Variants in TBC1D3I observed in about 807,000 individuals in gnomAD.
TBC1D3I encodes the protein Prostate cancer gene 17 protein.
For synonymous variants in TBC1D3I, 2 were observed against 51.3 expected (o/e 0.04, Z 4.11); for missense variants, 8 against 125.3 (o/e 0.06, Z 4.47).
chr17:36,260,198 G>A lies in TBC1D3I; in HGVS notation c.387+31C>T. The A allele has an allele frequency of 8.1e-6, 3 of 371,520 alleles. 1 individual carries two copies. The South Asian group carries it at 1.0e-4, about 13-fold the overall frequency. The allele number at this position is 371,520 out of a possible 1,614,324, so 23.0% of individuals were successfully genotyped here. On this transcript the variant is annotated intron_variant, in intron 6 of 13. Coordinates refer to ENST00000621034, the Ensembl canonical transcript of TBC1D3I. The stretch of plus-strand genomic sequence containing the variant: ...GGAGACCTGGGCACCGACACGGCCT[G>A]TCCTGTTTGTTGTGCTCTGGCTGAG...
rs1597752008 is a variant in TBC1D3I at position 36,254,097 on chromosome 17, TCACCCGCTCC to T, written c.1497_1506del (p.Glu500AspfsTer?). ...GTGCTGGGTGCAGCGAAAGCCGATC[TCACCCGCTCC>T]GCAGGGTGTTCAGCCTGCCAGCAGG... On this transcript the variant is annotated frameshift_variant, in exon 14 of 14. Transcript: ENST00000621034. LOFTEE classifies it high-confidence loss of function. 1 of 589,346 alleles carries T rather than the reference TCACCCGCTCC, an allele frequency of 1.7e-6. No homozygotes were observed. The highest frequency in any genetic ancestry group is 1.9e-5 in the South Asian group (1 of 51,878). 36.5% of individuals were successfully genotyped at this position (589,346 alleles called of 1,614,324 possible).
chr17:36,260,400 G>A lies in TBC1D3I; in HGVS notation c.280-64C>T, dbSNP rs1597743581. On this transcript the variant is annotated intron_variant, in intron 5 of 13. Coordinates refer to ENST00000621034, the Ensembl canonical transcript of TBC1D3I. ...GTGACCCCAGTGAGGACCAGAGCCC[G>A]GGGATTCTGGAAATTGTCGGTTTTG... 2.3e-5 allele frequency: 8 copies of A among 346,204 alleles called. 3 individuals carry two copies. Among genetic ancestry groups the A allele is most frequent in the African/African-American group, 8.4e-5 (1 of 11,880 alleles). The allele number at this position is 346,204 out of a possible 1,614,324, so 21.4% of individuals were successfully genotyped here. A position where few individuals can be genotyped will look rare whatever the true frequency, so the allele number is the denominator to read the frequency against.
In TBC1D3I at chr17:36,257,164, TGGA is replaced by T. The variant is rs1285213117; in HGVS notation, c.668-52_668-50del. 1.2e-3 allele frequency: 46 copies of T among 37,912 alleles called. No homozygotes were observed. The Middle Eastern group carries it at 0.024, about 20-fold the overall frequency. 2.3% of individuals were successfully genotyped at this position (37,912 alleles called of 1,614,324 possible). A position where few individuals can be genotyped will look rare whatever the true frequency, so the allele number is the denominator to read the frequency against. On this transcript the variant is annotated intron_variant, in intron 9 of 13. Coordinates refer to ENST00000621034, the Ensembl canonical transcript of TBC1D3I. ...GAAATCAGAGCCTTCCCCCAAGATGTGGAGCCATCAGCTGCAAGAGCTGGGCAG... is the reference window on the plus strand; with the variant it reads ...GAAATCAGAGCCTTCCCCCAAGATGTGCCATCAGCTGCAAGAGCTGGGCAG...
intron 9 of TBC1D3I, among the ~76,000 whole-genome samples, chr17:36,257,548 T>G: frequency 4.1e-5 from 3 of 74,074 alleles, no homozygotes; most frequent in Admixed American, 1.2e-4. Context: ...GAGGGGAGAG[T>G]CAGCTGCACA....
At position 36,260,775 on chromosome 17, in the gene TBC1D3I, G is replaced by A. The variant is rs1597756806; in HGVS notation, c.279+5C>T. On this transcript the variant is annotated splice_donor_5th_base_variant and intron_variant, in intron 5 of 13. Transcript: ENST00000621034. ...CAGAGAGTGCTTCCTCCCTCCACAC[G>A]TTACCTTTCTGCTGCTTTTGTATTT... 1 of 27,870 alleles carries A rather than the reference G, an allele frequency of 3.6e-5. No individual in the cohort carries two copies. The highest frequency in any genetic ancestry group is 3.5e-4 in the East Asian group (1 of 2,898). 1.7% of individuals were successfully genotyped at this position (27,870 alleles called of 1,614,324 possible). A position where few individuals can be genotyped will look rare whatever the true frequency, so the allele number is the denominator to read the frequency against.
At chr17:36,260,460 TG>T in intron 5 of TBC1D3I, 124 bp from the exon 6 acceptor site, 1 of 181,972 alleles carries the variant, frequency 5.5e-6, no homozygotes, top group Non-Finnish European at 1.1e-5. Flanking sequence ...GAGATCAAGC[TG>T]GGACAGGGTC....
chr17:36,261,949 G>A (rs1251010232), intron 3 of TBC1D3I, among the ~76,000 whole-genome samples: 1 of 40,024 alleles, frequency 2.5e-5, no homozygotes, highest in East Asian at 5.0e-4. Context: ...AAGTGGCACC[G>A]CTCGTCAGCT....
chr17:36,253,961 C>CAT lies in TBC1D3I; in HGVS notation c.1642_1643insAT (p.Gly548AspfsTer?). On this transcript the variant is annotated frameshift_variant, in exon 14 of 14. Transcript: ENST00000621034. LOFTEE classifies it high-confidence loss of function. ...GCCCTGGCCCAGATGCTTCTAGAAGCCTGGAGGGAACTGAGAACTTTCCAA... is the reference window on the plus strand; with the variant it reads ...GCCCTGGCCCAGATGCTTCTAGAAGCATCTGGAGGGAACTGAGAACTTTCCAA... 9.9e-7 allele frequency: 1 copy of CAT among 1,012,316 alleles called. No individual in the cohort carries two copies. Among genetic ancestry groups the CAT allele is most frequent in the Non-Finnish European group, 1.4e-6 (1 of 704,086 alleles). The allele number at this position is 1,012,316 out of a possible 1,614,324, so 62.7% of individuals were successfully genotyped here.
chr17:36,260,140 C>A lies in TBC1D3I; in HGVS notation c.387+89G>T, dbSNP rs1231599260. The A allele has an allele frequency of 8.3e-5, 25 of 299,764 alleles. 11 individuals are homozygous for A. In the African/African-American group the frequency reaches 2.2e-3, roughly 27 times the overall value. The allele number at this position is 299,764 out of a possible 1,614,324, so 18.6% of individuals were successfully genotyped here. ...GTGTTCATCTGACCTTCACCCCCAG[C>A]TCCCCAGGGTGGTCTTGACGTTCCC... is the stretch of plus-strand genomic sequence containing the variant. On this transcript the variant is annotated intron_variant, in intron 6 of 13. Transcript: ENST00000621034.
chr17:36,255,056 C>T (rs2142283316), intron 13 of TBC1D3I, among the ~76,000 whole-genome samples: 1 of 4,316 alleles, frequency 2.3e-4, no homozygotes, highest in East Asian at 2.3e-3. Flanking sequence ...CCCTTGTCTC[C>T]CTGGCTCCAG....
chr17:36,261,953 G>C (rs1206175426), intron 3 of TBC1D3I, among the ~76,000 whole-genome samples: 1 of 41,318 alleles, frequency 2.4e-5, no homozygotes, highest in Non-Finnish European at 1.0e-4. Flanking sequence ...GGCACCGCTC[G>C]TCAGCTCCCT....
intron 9 of TBC1D3I, among the ~76,000 whole-genome samples, chr17:36,257,626 G>A: frequency 1.2e-5 from 1 of 86,352 alleles, no homozygotes; most frequent in Non-Finnish European, 3.4e-5. Flanking sequence ...GATGCCCTCT[G>A]CTGATGGGGA....
intron 9 of TBC1D3I, among the ~76,000 whole-genome samples, chr17:36,257,510 G>A (rs1434425284): frequency 1.2e-5 from 1 of 84,994 alleles, no homozygotes; most frequent in African/African-American, 3.6e-5. Context: ...AGGAGCCTGG[G>A]CAGCTGGAGG....
downstream of TBC1D3I, chr17:36,253,870 CA>C: frequency 6.8e-7 from 1 of 1,474,076 alleles, no homozygotes; most frequent in Non-Finnish European, 9.0e-7. Flanking sequence ...TAAGTTTAAC[CA>C]AAAATAAAAC....
At chr17:36,257,664 G>A (rs1225441283) in intron 9 of TBC1D3I, among the ~76,000 whole-genome samples, 165 bp downstream of exon 9, 1 of 84,472 alleles carries the variant, frequency 1.2e-5, no homozygotes, top group East Asian at 2.5e-4. Flanking sequence ...GGGCTTTGGG[G>A]GTCAGCCGTG....
exon 6 of TBC1D3I, chr17:36,260,308 G>T: frequency 2.7e-6 from 1 of 373,984 alleles, no homozygotes; most frequent in Non-Finnish European, 4.2e-6. Context: ...GATGTTCATG[G>T]GCATTCCCTT....
chr17:36,255,040 C>T (rs1214671333), intron 13 of TBC1D3I, among the ~76,000 whole-genome samples: 23 of 6,762 alleles, frequency 3.4e-3, no homozygotes, highest in Middle Eastern at 0.02. Context: ...GTCAGGGACA[C>T]GGATTCCCTT....
chr17:36,260,376 T>C (rs2069163790), intron 5 of TBC1D3I, 40 bp from the exon 6 acceptor site: 1 of 367,944 alleles, frequency 2.7e-6, no homozygotes, highest in South Asian at 3.4e-5. Flanking sequence ...GGCCACGGGG[T>C]GACCCCAGTG....
In TBC1D3I at chr17:36,253,966, AG is replaced by A; in HGVS notation, c.1637del (p.Pro546LeufsTer?). Reference sequence around the variant, plus strand: ...GGCCCAGATGCTTCTAGAAGCCTGGAGGGAACTGAGAACTTTCCAAGTGGAG... The same window carrying A: ...GGCCCAGATGCTTCTAGAAGCCTGGAGGAACTGAGAACTTTCCAAGTGGAG... On this transcript the variant is annotated frameshift_variant, in exon 14 of 14. Coordinates refer to ENST00000621034, the Ensembl canonical transcript of TBC1D3I. LOFTEE classifies it high-confidence loss of function. 1 of 921,712 alleles carries A rather than the reference AG, an allele frequency of 1.1e-6. No homozygotes were observed. The highest frequency in any genetic ancestry group is 1.6e-6 in the Non-Finnish European group (1 of 622,488). The allele number at this position is 921,712 out of a possible 1,614,324, so 57.1% of individuals were successfully genotyped here.
Sources: allele counts gnomAD v4.1 joint callset (sites outside exome capture counted in the v4.1 genomes callset), GRCh38; gene constraint gnomAD v4.1.1; transcripts MANE v1.5; gene names NCBI Gene and HGNC (gene_info 2026-07-23, HGNC 2026-07-21).